Variants in DNAJC6 observed in about 807,000 individuals in gnomAD.
DNAJC6 encodes the protein DnaJ heat shock protein family (Hsp40) member C6, also known as auxilin.
A neutral mutation model predicts 110.0 loss-of-function variants in DNAJC6; 34 were observed. The ratio of observed to expected loss-of-function variants is 0.31; its 90% CI spans 0.24 to 0.41. The LOEUF is 0.41. Among genes scored for constraint, DNAJC6 ranks in the 10% least tolerant of loss-of-function variants. DNAJC6 has a pLI of 1.00. For missense variants in DNAJC6, 1,031 were observed against 1,207.8 expected (o/e 0.85, Z 2.17); for synonymous variants, 406 against 437.2 (o/e 0.93, Z 0.89).
chr1:65,407,841 A>T (rs1646092080), intron 16 of DNAJC6, among the ~76,000 whole-genome samples: 1 of 152,192 alleles, frequency 6.6e-6, no homozygotes, highest in Admixed American at 6.5e-5. Context: ...AGAGATAGCA[A>T]ATGGTTTTCA....
At chr1:65,286,357 C>G (rs943284887) in intron 1 of DNAJC6, among the ~76,000 whole-genome samples, 52 of 152,004 alleles carry the variant, frequency 3.4e-4, no homozygotes, top group African/African-American at 1.2e-3. Flanking sequence ...ATCCATCCTC[C>G]CACCTCAGCC....
upstream of DNAJC6, among the ~76,000 whole-genome samples, chr1:65,307,135 A>G (rs1483325447): frequency 6.6e-6 from 1 of 151,620 alleles, no homozygotes; most frequent in African/African-American, 2.4e-5. Context: ...TGATAAGTAT[A>G]TGAATTTGAT....
At position 65,386,124 on chromosome 1, in the gene DNAJC6, C is replaced by A. The variant is rs138393661; in HGVS notation, c.995+218C>A. Among the ~76,000 whole-genome samples, 522 of 152,254 alleles carry A rather than the reference C, an allele frequency of 3.4e-3. 3 individuals carry two copies. The highest frequency in any genetic ancestry group is 0.012 in the African/African-American group (497 of 41,536). ...TGAAACCATGATATAGGCTAAGGGA[C>A]TAGCATAAGCTGTATACAGGATTAA... On this transcript the variant is annotated intron_variant, in intron 7 of 18. Transcript: ENST00000371069.
intron 4 of DNAJC6, among the ~76,000 whole-genome samples, chr1:65,368,900 T>C (rs1645678880): frequency 1.3e-5 from 2 of 151,722 alleles, no homozygotes; most frequent in Admixed American, 1.3e-4. Flanking sequence ...GTCACCCAAG[T>C]AGCTGGGATT....
intron 1 of DNAJC6, among the ~76,000 whole-genome samples, chr1:65,355,882 C>CTTTTTTTTT (rs372078909): frequency 1.2e-5 from 1 of 82,846 alleles, no homozygotes. Context: ...AACAGCATGG[C>CTTTTTTTTT]TTTTTTTTTT....
chr1:65,315,510 C>T (rs1286874285), intron 1 of DNAJC6, among the ~76,000 whole-genome samples: 1 of 152,048 alleles, frequency 6.6e-6, no homozygotes, highest in African/African-American at 2.4e-5. Flanking sequence ...ATGCTTTACA[C>T]ATATATGTAT....
chr1:65,361,205 G>A lies in DNAJC6; in HGVS notation c.194-3430G>A, dbSNP rs117169587. ...TTCCACTCTCCCGCTATATGAAACTGTACTATCATAAAGGTCTGAGCACAG... is the reference window on the plus strand; with the variant it reads ...TTCCACTCTCCCGCTATATGAAACTATACTATCATAAAGGTCTGAGCACAG... On this transcript the variant is annotated intron_variant, in intron 1 of 18. Transcript: ENST00000371069. Among the ~76,000 whole-genome samples the A allele has an allele frequency of 9.1e-4, 139 of 152,284 alleles. 1 individual carries two copies. The East Asian group carries it at 0.017, about 19-fold the overall frequency.
At chr1:65,368,747 T>G in intron 4 of DNAJC6, among the ~76,000 whole-genome samples, 1 of 8,628 alleles carries the variant, frequency 1.2e-4, no homozygotes, top group East Asian at 7.2e-3. Flanking sequence ...CCCCCTCCCC[T>G]CCCCTCCCTT....
intron 1 of DNAJC6, among the ~76,000 whole-genome samples, chr1:65,328,680 A>T (rs143415668): frequency 5.3e-5 from 8 of 152,186 alleles, no homozygotes; most frequent in African/African-American, 1.9e-4. Context: ...CTTGACCCCA[A>T]TGGGTCGGGC....
At chr1:65,282,811 C>G (rs1397351653) in intron 1 of DNAJC6, among the ~76,000 whole-genome samples, 1 of 152,086 alleles carries the variant, frequency 6.6e-6, no homozygotes, top group Non-Finnish European at 1.5e-5. Context: ...AAAAGAAGAA[C>G]AATATCAGAG....
chr1:65,360,581 A>G (rs1645587742), intron 1 of DNAJC6, among the ~76,000 whole-genome samples: 1 of 152,204 alleles, frequency 6.6e-6, no homozygotes, highest in South Asian at 2.1e-4. Flanking sequence ...AGAATTATAA[A>G]CATTTTATGC....
chr1:65,281,267 C>T (rs1303711698), intron 1 of DNAJC6, among the ~76,000 whole-genome samples: 4 of 152,190 alleles, frequency 2.6e-5, no homozygotes, highest in South Asian at 4.1e-4. Flanking sequence ...GGACTTTTTC[C>T]TTTTTTAAAA....
Position 65,355,006 on chromosome 1 carries a change from G to C in DNAJC6, c.194-9629G>C, listed in dbSNP as rs75963320. ...AAATTGATTATTCTGGTTGGGCGTA[G>C]TGGCTGACACATGTAATCCCAGCAC... On this transcript the variant is annotated intron_variant, in intron 1 of 18. Transcript: ENST00000371069. Among the ~76,000 whole-genome samples, 1,196 of 152,260 alleles carry C rather than the reference G, an allele frequency of 7.9e-3. 10 individuals carry two copies. Among genetic ancestry groups the C allele is most frequent in the African/African-American group, 0.027 (1,133 of 41,558 alleles).
At chr1:65,278,504 T>A (rs1372952704) in intron 1 of DNAJC6, among the ~76,000 whole-genome samples, 1 of 152,242 alleles carries the variant, frequency 6.6e-6, no homozygotes. Flanking sequence ...ATGTACTAAG[T>A]AAGAGGGCTT....
chr1:65,392,787 G>A lies in DNAJC6; in HGVS notation c.1825G>A (p.Gly609Arg). The A allele has an allele frequency of 6.2e-7, 1 of 1,606,520 alleles. No homozygotes were observed. The highest frequency in any genetic ancestry group is 8.5e-7 in the Non-Finnish European group (1 of 1,176,522). Reference protein sequence around the residue: ...SGVEDVFHPSGPASTQSTPRR... With the variant: ...SGVEDVFHPSRPASTQSTPRR... Reference sequence around the variant, plus strand: ...AGTGGAAGATGTGTTTCATCCTAGTGGACCTGCGTCTACCCAGTCAACACC... The same window carrying A: ...AGTGGAAGATGTGTTTCATCCTAGTAGACCTGCGTCTACCCAGTCAACACC... The change falls in exon 12 of 19, where the codon GGA (glycine) becomes AGA (arginine). Residue 609 changes from glycine to arginine, a missense_variant. Coordinates refer to ENST00000371069, the MANE Select transcript of DNAJC6 (RefSeq NM_001256864.2).
intron 1 of DNAJC6, among the ~76,000 whole-genome samples, chr1:65,319,599 A>AT (rs1645179063): frequency 1.3e-5 from 1 of 76,994 alleles, no homozygotes; most frequent in Non-Finnish European, 2.7e-5. Flanking sequence ...TTGAAACCAG[A>AT]ATTTTTTTTC....
chr1:65,314,089 G>T (rs964201312), intron 1 of DNAJC6, among the ~76,000 whole-genome samples: 3 of 151,902 alleles, frequency 2.0e-5, no homozygotes, highest in Non-Finnish European at 4.4e-5. Flanking sequence ...ACTTTTTAAA[G>T]AATAAGTATA....
intron 1 of DNAJC6, among the ~76,000 whole-genome samples, chr1:65,326,766 G>A (rs1378396236): frequency 1.3e-5 from 2 of 152,150 alleles, no homozygotes; most frequent in Admixed American, 1.3e-4. Flanking sequence ...CTTCCTCAGA[G>A]GTCCTGAATT....
chr1:65,308,609 T>C (rs528833421), upstream of DNAJC6, among the ~76,000 whole-genome samples: 3 of 152,326 alleles, frequency 2.0e-5, no homozygotes, highest in Non-Finnish European at 4.4e-5. Flanking sequence ...AACTTCATGA[T>C]AAATTCTCTT....
Sources: allele counts gnomAD v4.1 joint callset (sites outside exome capture counted in the v4.1 genomes callset), GRCh38; gene constraint gnomAD v4.1.1; transcripts MANE v1.5; gene names NCBI Gene and HGNC (gene_info 2026-07-23, HGNC 2026-07-21).